Variants in FHIT observed in about 807,000 individuals in gnomAD.
The protein encoded by FHIT is fragile histidine triad diadenosine triphosphatase.
In FHIT, 19 loss-of-function variants were observed where a neutral mutation model predicts 17.9. That is an observed-to-expected ratio of 1.06 (90% confidence interval 0.74 to 1.56). FHIT has a LOEUF of 1.56. Ranked by LOEUF, FHIT falls within the 40% of genes most tolerant of loss-of-function variation. The probability of loss-of-function intolerance (pLI) is 0.00; values close to 1 mark genes in which losing one functional copy is unlikely to be tolerated. For missense variants in FHIT, 248 were observed against 189.2 expected, an observed-to-expected ratio of 1.31 and a Z score of -1.82; for synonymous variants, 81 against 69.7, an observed-to-expected ratio of 1.16 and a Z score of -0.81.
At chr3:59,954,732 A>C (rs1010574912) in intron 7 of FHIT, among the ~76,000 whole-genome samples, 1 of 152,160 alleles carries the variant, frequency 6.6e-6, no homozygotes, top group Non-Finnish European at 1.5e-5. Context: ...GAGGTGTTTC[A>C]GGGCTTCCTT....
chr3:60,048,379 T>C (rs921056464), intron 5 of FHIT, among the ~76,000 whole-genome samples: 1 of 152,178 alleles, frequency 6.6e-6, no homozygotes, highest in African/African-American at 2.4e-5. Context: ...GGTTTCACTA[T>C]GTTAGCCAGG....
intron 7 of FHIT, among the ~76,000 whole-genome samples, chr3:60,004,804 C>G (rs1363093542): frequency 1.3e-5 from 2 of 152,118 alleles, no homozygotes; most frequent in Non-Finnish European, 2.9e-5. Flanking sequence ...TTAATGCCTA[C>G]TTTTGCAGGT....
At chr3:60,321,100 G>T (rs1394269823) in intron 5 of FHIT, among the ~76,000 whole-genome samples, 2 of 152,110 alleles carry the variant, frequency 1.3e-5, no homozygotes, top group East Asian at 3.8e-4. Flanking sequence ...GAGGCTCAGG[G>T]ACTCCCCAAC....
intron 5 of FHIT, among the ~76,000 whole-genome samples, chr3:60,353,282 C>T (rs1435633033): frequency 6.6e-6 from 1 of 152,086 alleles, no homozygotes; most frequent in Admixed American, 6.5e-5. Flanking sequence ...TGGGGTGCTG[C>T]TTCTCTTTTT....
intron 5 of FHIT, among the ~76,000 whole-genome samples, chr3:60,389,696 G>C (rs1019861859): frequency 3.3e-5 from 5 of 152,098 alleles, no homozygotes; most frequent in African/African-American, 1.2e-4. Context: ...TCGATAATGA[G>C]GTCTTTACCG....
chr3:60,676,902 T>C (rs2107853521), intron 4 of FHIT, among the ~76,000 whole-genome samples: 1 of 152,276 alleles, frequency 6.6e-6, no homozygotes, highest in African/African-American at 2.4e-5. Context: ...TGAGACAGGG[T>C]CTCATAATGT....
At chr3:60,748,073 T>C (rs2042393544) in intron 4 of FHIT, among the ~76,000 whole-genome samples, 1 of 152,154 alleles carries the variant, frequency 6.6e-6, no homozygotes, top group African/African-American at 2.4e-5. Context: ...TTGAGTGTCA[T>C]GCTGAGGAAC....
intron 4 of FHIT, among the ~76,000 whole-genome samples, chr3:60,605,706 C>T (rs2038586361): frequency 6.6e-6 from 1 of 152,110 alleles, no homozygotes; most frequent in South Asian, 2.1e-4. Flanking sequence ...TACTATTTTG[C>T]TTTATTTTCT....
chr3:60,735,017 A>G (rs553025496), intron 4 of FHIT, among the ~76,000 whole-genome samples: 1 of 152,320 alleles, frequency 6.6e-6, no homozygotes, highest in Non-Finnish European at 1.5e-5. Context: ...CAGCATCAAG[A>G]ATTACAATGA....
intron 5 of FHIT, among the ~76,000 whole-genome samples, chr3:60,446,628 A>G (rs1011053333): frequency 1.3e-5 from 2 of 152,006 alleles, no homozygotes; most frequent in Admixed American, 1.3e-4. Flanking sequence ...AAGGTAGGAA[A>G]ATGGCTTGAA....
chr3:60,302,699 G>A (rs10510836), intron 5 of FHIT, among the ~76,000 whole-genome samples: 5 of 152,076 alleles, frequency 3.3e-5, no homozygotes, highest in Admixed American at 1.3e-4. Context: ...TTTCACTGAC[G>A]TCTAACACAT....
At chr3:60,814,448 A>G (rs1701668656) in intron 4 of FHIT, among the ~76,000 whole-genome samples, 1 of 152,180 alleles carries the variant, frequency 6.6e-6, no homozygotes, top group African/African-American at 2.4e-5. Flanking sequence ...TACAAGTGAG[A>G]ACATGTGGCA....
At chr3:60,990,436 G>T (rs1379050463) in intron 3 of FHIT, among the ~76,000 whole-genome samples, 1 of 152,146 alleles carries the variant, frequency 6.6e-6, no homozygotes, top group Non-Finnish European at 1.5e-5. Context: ...AGAATGGGGT[G>T]GCGATGATAA....
intron 5 of FHIT, among the ~76,000 whole-genome samples, chr3:60,300,650 T>A (rs933210254): frequency 6.6e-6 from 1 of 152,140 alleles, no homozygotes; most frequent in African/African-American, 2.4e-5. Flanking sequence ...GGCATGTTAT[T>A]GCACTCCGAT....
At chr3:60,460,023 G>C (rs1309932564) in intron 5 of FHIT, among the ~76,000 whole-genome samples, 1 of 152,086 alleles carries the variant, frequency 6.6e-6, no homozygotes, top group Non-Finnish European at 1.5e-5. Context: ...AATAGCCAAA[G>C]GTCAAAATAG....
At chr3:61,173,688 T>C (rs2107142349) in intron 2 of FHIT, among the ~76,000 whole-genome samples, 1 of 152,348 alleles carries the variant, frequency 6.6e-6, no homozygotes, top group East Asian at 1.9e-4. Flanking sequence ...ACTGTTAGGT[T>C]ATAAAAAAGA....
At position 60,718,581 on chromosome 3, in the gene FHIT, G is replaced by A. The variant is rs565047366; in HGVS notation, c.-18+103338C>T. 2.4e-4 allele frequency among the ~76,000 whole-genome samples: 37 copies of A among 152,312 alleles called. No individual in the cohort carries two copies. The South Asian group carries it at 6.2e-3, about 26-fold the overall frequency. Reference sequence around the variant, plus strand: ...ATAATGTTCTTCTAGATGCGAAAATGCCAAATCTGCCAGTCACTCATGAAA... The same window carrying A: ...ATAATGTTCTTCTAGATGCGAAAATACCAAATCTGCCAGTCACTCATGAAA... On this transcript the variant is annotated intron_variant, in intron 4 of 9. Coordinates refer to ENST00000492590, the MANE Select transcript of FHIT (RefSeq NM_002012.4).
intron 8 of FHIT, among the ~76,000 whole-genome samples, chr3:59,837,924 T>C (rs1326218817): frequency 6.6e-6 from 1 of 152,120 alleles, no homozygotes; most frequent in African/African-American, 2.4e-5. Context: ...ACAGCCTTTG[T>C]AAAGAGCCTA....
chr3:60,261,795 G>A (rs1706319196), intron 5 of FHIT, among the ~76,000 whole-genome samples: 1 of 152,000 alleles, frequency 6.6e-6, no homozygotes, highest in African/African-American at 2.4e-5. Flanking sequence ...AGACTATACA[G>A]TAATTCTCTG....
Sources: allele counts gnomAD v4.1 joint callset (sites outside exome capture counted in the v4.1 genomes callset), GRCh38; gene constraint gnomAD v4.1.1; transcripts MANE v1.5; gene names NCBI Gene and HGNC (gene_info 2026-07-23, HGNC 2026-07-21).